The following DOCK10 variants were observed in gnomAD, a reference collection of about 807,000 sequenced individuals.
DOCK10 encodes dedicator of cytokinesis 10.
DOCK10 carries 145 observed loss-of-function variants against 280.1 expected under a neutral mutation model. The ratio of observed to expected loss-of-function variants is 0.52; its 90% confidence interval spans 0.45 to 0.59. DOCK10 has a LOEUF of 0.59. DOCK10 is among the 20% of genes least tolerant of loss of function. DOCK10 has a pLI of 0.00. For synonymous variants in DOCK10, 915 were observed against 942.2 expected, an observed-to-expected ratio of 0.97 and a Z score of 0.53; for missense variants, 2,368 against 2,651.7, an observed-to-expected ratio of 0.89 and a Z score of 2.35.
intron 4 of DOCK10, among the ~76,000 whole-genome samples, chr2:224,895,333 A>G (rs1405417999): frequency 1.3e-5 from 2 of 152,226 alleles, no homozygotes; most frequent in African/African-American, 4.8e-5. Context: ...AATGTGTATC[A>G]TATCAGTGCT....
At chr2:224,871,238 C>G (rs1242733561) in intron 11 of DOCK10, among the ~76,000 whole-genome samples, 2 of 152,170 alleles carry the variant, frequency 1.3e-5, no homozygotes, top group Non-Finnish European at 2.9e-5. Flanking sequence ...GTGCAAATCT[C>G]CCTCCCGTGT....
chr2:225,029,331 T>A (rs10181639), intron 1 of DOCK10, among the ~76,000 whole-genome samples: 5,691 of 152,216 alleles, frequency 0.037, 295 homozygotes, highest in African/African-American at 0.12. Context: ...ACCACCACAG[T>A]TGGCTAACTT....
intron 1 of DOCK10, among the ~76,000 whole-genome samples, chr2:225,002,974 G>C (rs866006348): frequency 6.6e-6 from 1 of 152,304 alleles, no homozygotes; most frequent in African/African-American, 2.4e-5. Flanking sequence ...GAAATGACCA[G>C]GGTAAATTCT....
intron 3 of DOCK10, among the ~76,000 whole-genome samples, chr2:224,900,310 A>G (rs897175902): frequency 2.0e-5 from 3 of 151,806 alleles, no homozygotes; most frequent in African/African-American, 7.3e-5. Context: ...CTTTTTTTAA[A>G]GCTATAAATG....
At chr2:224,853,997 T>C (rs1303442151) in intron 16 of DOCK10, among the ~76,000 whole-genome samples, 1 of 152,232 alleles carries the variant, frequency 6.6e-6, no homozygotes, top group African/African-American at 2.4e-5. Flanking sequence ...TTCATTTCCA[T>C]ATCAGGTAGA....
At chr2:224,938,022 T>C (rs555812751) in intron 1 of DOCK10, among the ~76,000 whole-genome samples, 36 of 152,332 alleles carry the variant, frequency 2.4e-4, no homozygotes, top group African/African-American at 7.7e-4. Context: ...ATCTGGTATC[T>C]ACATTTTGAA....
chr2:224,852,652 G>T (rs573465714), intron 17 of DOCK10, among the ~76,000 whole-genome samples: 1 of 152,094 alleles, frequency 6.6e-6, no homozygotes, highest in Non-Finnish European at 1.5e-5. Flanking sequence ...TTGAAAGGGG[G>T]CAGGCATGCT....
intron 1 of DOCK10, among the ~76,000 whole-genome samples, chr2:225,030,161 A>AAAAG (rs1442643401): frequency 1.3e-5 from 2 of 151,360 alleles, no homozygotes; most frequent in African/African-American, 4.8e-5. Context: ...AAAAAAAAAA[A>AAAAG]AAAGAAAGAA....
intron 18 of DOCK10, among the ~76,000 whole-genome samples, 197 bp from the exon 19 acceptor site, chr2:224,849,796 T>C (rs915222762): frequency 3.3e-5 from 5 of 152,188 alleles, no homozygotes; most frequent in African/African-American, 1.2e-4. Flanking sequence ...TGAAAGCTGC[T>C]GAAGATAATT....
intron 1 of DOCK10, among the ~76,000 whole-genome samples, chr2:224,957,258 A>G (rs1035895480): frequency 4.7e-5 from 7 of 149,344 alleles, no homozygotes; most frequent in Non-Finnish European, 8.9e-5. Context: ...CCCTAGGTCT[A>G]AATCTAGTAT....
intron 47 of DOCK10, 36 bp downstream of exon 47, chr2:224,792,938 T>C (rs1244474717): frequency 2.7e-6 from 4 of 1,475,174 alleles, no homozygotes; most frequent in Non-Finnish European, 3.8e-6. Flanking sequence ...GTGGATTTCC[T>C]CTGCATTGGG....
chr2:224,839,203 C>T (rs1252210324), intron 24 of DOCK10, among the ~76,000 whole-genome samples: 3 of 151,792 alleles, frequency 2.0e-5, no homozygotes, highest in African/African-American at 4.8e-5. Flanking sequence ...CTCAGCCTCC[C>T]GAGTAGCTGG....
chr2:225,014,081 A>ATATATATATATT (rs776104946), intron 1 of DOCK10, among the ~76,000 whole-genome samples: 2 of 96,800 alleles, frequency 2.1e-5, no homozygotes, highest in South Asian at 3.5e-4. Context: ...GTCTGAATAT[A>ATATATATATATT]TTGTTTTTTT....
At chr2:224,816,180 C>T (rs1400934148) in intron 30 of DOCK10, among the ~76,000 whole-genome samples, 1 of 149,958 alleles carries the variant, frequency 6.7e-6, no homozygotes, top group East Asian at 1.9e-4. Context: ...TTGATGTCTA[C>T]ATGGGTAATA....
At chr2:225,035,364 C>G (rs532618365) in intron 1 of DOCK10, among the ~76,000 whole-genome samples, 6 of 151,632 alleles carry the variant, frequency 4.0e-5, no homozygotes, top group African/African-American at 9.7e-5. Context: ...TTACCGCATT[C>G]AAGCATGAAT....
In DOCK10 at chr2:224,801,282, CAA is replaced by C. The variant is rs3083075; in HGVS notation, c.4393+632_4393+633del. 7.0e-3 allele frequency among the ~76,000 whole-genome samples: 521 copies of C among 74,634 alleles called. 1 individual carries two copies. The highest frequency in any genetic ancestry group is 0.03 in the East Asian group (71 of 2,330). The allele number at this position is 74,634 out of a possible 152,430, so 49.0% of individuals were successfully genotyped here. On this transcript the variant is annotated intron_variant, in intron 40 of 55. Coordinates refer to ENST00000258390, the MANE Select transcript of DOCK10 (RefSeq NM_014689.3). ...TCTGCAGGGCTGTTTCAAGACATGGCAAAAAAAAAAAAAAAAAAAAACATATT... is the reference window on the plus strand; with the variant it reads ...TCTGCAGGGCTGTTTCAAGACATGGCAAAAAAAAAAAAAAAAAAACATATT...
chr2:224,770,372 A>C lies in DOCK10; in HGVS notation c.6306-23T>G. The C allele has an allele frequency of 6.3e-7, 1 of 1,576,576 alleles. No individual in the cohort carries two copies. The highest frequency in any genetic ancestry group is 8.6e-7 in the Non-Finnish European group (1 of 1,160,894). On this transcript the variant is annotated intron_variant, in intron 54 of 55. Transcript: ENST00000258390. This position sits in a 1 kb window ranked among gnomAD's most constrained non-coding sequence, Gnocchi z 4.5. ...TGCCTTTAGCGACAGCATTAAACAA[A>C]TTAAAAACCAGCCCTCGGAAGTGGC...
chr2:224,840,355 C>A, intron 23 of DOCK10: 1 of 237,146 alleles, frequency 4.2e-6, no homozygotes. Context: ...ATTTGCAAAC[C>A]ATACATCTTA....
chr2:224,982,594 G>T, intron 1 of DOCK10: 1 of 845,890 alleles, frequency 1.2e-6, no homozygotes, highest in Non-Finnish European at 1.4e-6. Context: ...AGAGCACTGC[G>T]CTCAGAAAGT....
Sources: gnomAD v4.1 joint callset for allele counts (sites outside exome capture counted in the v4.1 genomes callset) on GRCh38, gnomAD v4.1.1 for gene constraint, Gnocchi (gnomAD v3.1) non-coding constraint, MANE v1.5 for transcripts, NCBI Gene and HGNC (gene_info 2026-07-23, HGNC 2026-07-21) for gene names.